DNAH7: variants seen among roughly 807,000 people sequenced by gnomAD.
DNAH7 encodes axonemal beta dynein heavy chain 7.
DNAH7 carries 397 observed loss-of-function variants against 444.6 expected under a neutral mutation model. The ratio of observed to expected loss-of-function variants is 0.89; its 90% CI spans 0.82 to 0.97. The LOEUF is 0.97. DNAH7 is among the 50% of genes least tolerant of loss of function. DNAH7 has a pLI of 0.00. For missense variants in DNAH7, 4,902 were observed against 4,800.8 expected (o/e 1.02, Z -0.62); for synonymous variants, 1,636 against 1,624.4 (o/e 1.01, Z -0.17).
chr2:195,740,585 ATGTGTGTGTG>A (rs71015727), intron 64 of DNAH7, among the ~76,000 whole-genome samples, 171 bp downstream of exon 64: 4,660 of 132,230 alleles, frequency 0.035, 163 homozygotes, highest in African/African-American at 0.08. Flanking sequence ...TTGACTGTAT[ATGTGTGTGTG>A]TGTGTGTGTG....
At position 195,934,940 on chromosome 2, in the gene DNAH7, A is replaced by T. The variant is rs549847383; in HGVS notation, c.3273-151T>A. On this transcript the variant is annotated intron_variant, in intron 20 of 64. Transcript: ENST00000312428. ...AAACCCCCAAAACAAACAAACAAAA[A>T]ACACAAGCTCTGCCTACATGCATTA... 5.5e-5 allele frequency: 42 copies of T among 770,574 alleles called. No homozygotes were observed. In the African/African-American group the frequency reaches 6.7e-4, roughly 12 times the overall value. The allele number at this position is 770,574 out of a possible 1,614,324, so 47.7% of individuals were successfully genotyped here. A position where few individuals can be genotyped will look rare whatever the true frequency, so the allele number is the denominator to read the frequency against.
At chr2:195,843,180 C>A (rs188481322) in intron 47 of DNAH7, among the ~76,000 whole-genome samples, 2 of 152,318 alleles carry the variant, frequency 1.3e-5, no homozygotes, top group Admixed American at 1.3e-4. Context: ...TATATTCTAA[C>A]ACTAAACATC....
At position 195,983,489 on chromosome 2, in the gene DNAH7, G is replaced by A. The variant is rs148874573; in HGVS notation, c.1833+1143C>T. ...GGGAGCAGAAGAGAAAGGAGGGGGT[G>A]CCAGGCTCTTTTTAATAATCAGATC... On this transcript the variant is annotated intron_variant, in intron 15 of 64. Coordinates refer to ENST00000312428, the MANE Select transcript of DNAH7 (RefSeq NM_018897.3). 7.2e-5 allele frequency among the ~76,000 whole-genome samples: 11 copies of A among 152,170 alleles called. No homozygotes were observed. The East Asian group carries it at 2.1e-3, about 29-fold the overall frequency.
chr2:196,054,850 C>T (rs1279043704), intron 2 of DNAH7, among the ~76,000 whole-genome samples: 1 of 152,130 alleles, frequency 6.6e-6, no homozygotes, highest in Non-Finnish European at 1.5e-5. Flanking sequence ...CTCTTGTCTC[C>T]TGCCACCATG....
In DNAH7 at chr2:195,922,212, A is replaced by T; in HGVS notation, c.3826-15T>A. On this transcript the variant is annotated splice_polypyrimidine_tract_variant and intron_variant, in intron 23 of 64. Coordinates refer to ENST00000312428, the MANE Select transcript of DNAH7 (RefSeq NM_018897.3). Reference sequence around the variant, plus strand: ...AAATGATTTTCCTAGGATAAATCAAATAAAATGAAGTTAAACAATAAAATT... The same window carrying T: ...AAATGATTTTCCTAGGATAAATCAATTAAAATGAAGTTAAACAATAAAATT... 1 of 1,456,724 alleles carries T rather than the reference A, an allele frequency of 6.9e-7. No homozygotes were observed. Among genetic ancestry groups the T allele is most frequent in the Non-Finnish European group, 9.6e-7 (1 of 1,038,146 alleles). The allele number at this position is 1,456,724 out of a possible 1,614,324, so 90.2% of individuals were successfully genotyped here.
At chr2:195,773,070 C>T (rs972189965) in intron 60 of DNAH7, among the ~76,000 whole-genome samples, 16 of 152,114 alleles carry the variant, frequency 1.1e-4, no homozygotes, top group African/African-American at 2.9e-4. Context: ...CATGAGCCAC[C>T]GTGCCCGGCC....
chr2:195,771,735 G>A lies in DNAH7; in HGVS notation c.11358C>T (p.Val3786=). Residue 3786 remains valine, a synonymous_variant, in exon 61 of 65, where the codon GTC becomes GTT. Coordinates refer to ENST00000312428, the MANE Select transcript of DNAH7 (RefSeq NM_018897.3). ...ACTTATTGAACCGTCCCATCTCTTG[G>A]ACAAGTACAGTGTTCATGCTCTGAG... is the stretch of plus-strand genomic sequence containing the variant. The part of the protein sequence containing the change: ...TYTQSMNTVL[V]QEMGRFNKLL... The A allele has an allele frequency of 6.2e-7, 1 of 1,614,048 alleles. No individual in the cohort carries two copies. The highest frequency in any genetic ancestry group is 8.5e-7 in the Non-Finnish European group (1 of 1,180,010).
At position 195,906,756 on chromosome 2, in the gene DNAH7, A is replaced by G; in HGVS notation, c.4238T>C (p.Phe1413Ser). The G allele has an allele frequency of 3.1e-6, 5 of 1,613,526 alleles. No homozygotes were observed. The highest frequency in any genetic ancestry group is 4.2e-6 in the Non-Finnish European group (5 of 1,179,624). The change falls in exon 27 of 65, where the codon TTT becomes TCT. Residue 1413 changes from phenylalanine to serine, a missense_variant. Transcript: ENST00000312428. ...GINAGADILM[F>S]EGTELKLDPT... ...GTCAAGTTTTAGTTCAGTTCCTTCA[A>G]ACATCAGTATATCAGCACCTGCATT...
At chr2:196,004,752 C>T (rs1025936874) in intron 10 of DNAH7, among the ~76,000 whole-genome samples, 3 of 148,916 alleles carry the variant, frequency 2.0e-5, no homozygotes, top group African/African-American at 7.5e-5. Flanking sequence ...GAGTTCAAGA[C>T]CAGCCTGGAC....
chr2:195,742,349 C>T (rs1455354293), intron 63 of DNAH7, among the ~76,000 whole-genome samples: 1 of 152,186 alleles, frequency 6.6e-6, no homozygotes, highest in African/African-American at 2.4e-5. Flanking sequence ...AATACCCTGC[C>T]TCACTGACTC....
At position 195,799,299 on chromosome 2, in the gene DNAH7, G is replaced by A. The variant is rs747590526; in HGVS notation, c.10350C>T (p.Asp3450=). The stretch of plus-strand genomic sequence containing the variant: ...AACTTCATCTATTGTAAGGTACCTG[G>A]TCATCAGCAAATTTTAGAAGGGCAG... ...PMAALLKFAD[D]QGYGGSKLSS... The change falls in exon 55 of 65, where the codon GAC becomes GAT. Residue 3450 remains aspartate (D), a synonymous_variant. Coordinates refer to ENST00000312428, the MANE Select transcript of DNAH7 (RefSeq NM_018897.3). The A allele has an allele frequency of 3.8e-6, 6 of 1,578,912 alleles. No individual in the cohort carries two copies. In the East Asian group the frequency reaches 1.4e-4, roughly 37 times the overall value.
chr2:196,040,254 T>C (rs1170918087), intron 5 of DNAH7, among the ~76,000 whole-genome samples: 1 of 151,986 alleles, frequency 6.6e-6, no homozygotes, highest in Non-Finnish European at 1.5e-5. Flanking sequence ...CAAAACCAGA[T>C]ACAGATACAA....
At chr2:195,753,844 G>A (rs1693933797) in intron 63 of DNAH7, among the ~76,000 whole-genome samples, 1 of 152,064 alleles carries the variant, frequency 6.6e-6, no homozygotes, top group Admixed American at 6.5e-5. Flanking sequence ...GGAATGTTAA[G>A]CTATAGGTTT....
rs150739355 is a variant in DNAH7 at position 195,906,410 on chromosome 2, A to AACACACAC, written c.4335+241_4335+248dup. The stretch of plus-strand genomic sequence containing the variant: ...TTCTTTCTTTTCACATACACACAGA[A>AACACACAC]ACACACACACACACACACACTTTTA... On this transcript the variant is annotated intron_variant, in intron 27 of 64. Coordinates refer to ENST00000312428, the MANE Select transcript of DNAH7 (RefSeq NM_018897.3). Among the ~76,000 whole-genome samples the AACACACAC allele has an allele frequency of 9.6e-3, 1,344 of 139,814 alleles. 20 individuals carry two copies. Among genetic ancestry groups the AACACACAC allele is most frequent in the African/African-American group, 0.033 (1,162 of 35,344 alleles). 91.7% of individuals were successfully genotyped at this position (139,814 alleles called of 152,430 possible).
intron 19 of DNAH7, among the ~76,000 whole-genome samples, chr2:195,948,454 G>A (rs1337378295): frequency 6.6e-6 from 1 of 152,128 alleles, no homozygotes. Flanking sequence ...AATCCATCTT[G>A]AGTTAATTTT....
intron 3 of DNAH7, among the ~76,000 whole-genome samples, chr2:196,049,411 A>C (rs1465197315): frequency 6.6e-6 from 1 of 152,172 alleles, no homozygotes. Context: ...AGTTGTACAG[A>C]AAGGGTGAGA....
intron 39 of DNAH7, among the ~76,000 whole-genome samples, chr2:195,872,687 C>T (rs1163328033): frequency 6.6e-6 from 1 of 151,684 alleles, no homozygotes; most frequent in Non-Finnish European, 1.5e-5. Flanking sequence ...TCCAAAAGAC[C>T]CCTGTGAAAT....
In DNAH7 at chr2:195,936,677, C is replaced by G; in HGVS notation, c.3194G>C (p.Arg1065Pro). Residue 1065 changes from arginine to proline, a missense_variant, in exon 20 of 65, where the codon CGC becomes CCC. Transcript: ENST00000312428. ...KGLNEYLEKK[R>P]LFFPRFFFLS... ...AAAAAAGAATCTGGGGAAAAAGAGG[C>G]GTTTCTTTTCCAAATATTCATTAAG... 6.2e-7 allele frequency: 1 copy of G among 1,603,764 alleles called. No homozygotes were observed. The highest frequency in any genetic ancestry group is 1.7e-5 in the Admixed American group (1 of 58,330).
intron 1 of DNAH7, among the ~76,000 whole-genome samples, chr2:196,061,187 T>C (rs1339852795): frequency 1.3e-5 from 2 of 152,138 alleles, no homozygotes; most frequent in African/African-American, 2.4e-5. Context: ...CTCTTGATCT[T>C]ATTTCTCCTG....
Sources: allele counts gnomAD v4.1 joint callset (sites outside exome capture counted in the v4.1 genomes callset), GRCh38; gene constraint gnomAD v4.1.1; transcripts MANE v1.5; gene names NCBI Gene and HGNC (gene_info 2026-07-23, HGNC 2026-07-21).